TBC1D22A: variants seen among roughly 807,000 people sequenced by gnomAD.
TBC1D22A encodes the protein TBC1 domain family member 22A.
In TBC1D22A, 38 loss-of-function variants were observed where a neutral mutation model predicts 60.2. The ratio of observed to expected loss-of-function variants is 0.63; its 90% confidence interval spans 0.49 to 0.83. The LOEUF is 0.83. Among genes scored for constraint, TBC1D22A ranks in the 40% least tolerant of loss-of-function variants. The probability of loss-of-function intolerance (pLI) is 0.00; values close to 1 mark genes in which losing one functional copy is unlikely to be tolerated. For missense variants in TBC1D22A, 628 were observed against 701.0 expected (o/e 0.90, Z 1.18); for synonymous variants, 302 against 281.7 (o/e 1.07, Z -0.72).
intron 4 of TBC1D22A, among the ~76,000 whole-genome samples, chr22:46,855,445 G>T (rs1230984291): frequency 6.6e-6 from 1 of 152,192 alleles, no homozygotes; most frequent in African/African-American, 2.4e-5. Context: ...GGATGTGGGA[G>T]GTACAGACCA....
intron 11 of TBC1D22A, among the ~76,000 whole-genome samples, chr22:47,046,204 G>A (rs2063028060): frequency 6.6e-6 from 1 of 152,210 alleles, no homozygotes; most frequent in Non-Finnish European, 1.5e-5. Flanking sequence ...ACAGGATGCC[G>A]GGAGGGCCCC....
intron 10 of TBC1D22A, among the ~76,000 whole-genome samples, chr22:47,010,906 T>C (rs1042376067): frequency 1.3e-5 from 2 of 152,234 alleles, no homozygotes; most frequent in African/African-American, 2.4e-5. Context: ...ACCTGGGTTC[T>C]AGTTCAGCCT....
At position 46,797,527 on chromosome 22, in the gene TBC1D22A, C is replaced by T. The variant is rs1249565988; in HGVS notation, c.544C>T (p.Pro182Ser). The change falls in exon 4 of 13, where the codon CCC (proline) becomes TCC (serine). Residue 182 changes from proline (P) to serine (S), a missense_variant. By Grantham distance (74) the Pro-to-Ser change is moderately conservative (BLOSUM62 -1). Coordinates refer to ENST00000337137, the MANE Select transcript of TBC1D22A (RefSeq NM_014346.5). ...ATVTLGGTSD[P>S]STLSSSALSE... Reference sequence around the variant, plus strand: ...CGTCACGCTGGGTGGCACATCTGACCCCAGCACTCTCAGCAGCTCAGCGCT... The same window carrying T: ...CGTCACGCTGGGTGGCACATCTGACTCCAGCACTCTCAGCAGCTCAGCGCT... 3 of 1,614,090 alleles carry T rather than the reference C, an allele frequency of 1.9e-6. No homozygotes were observed. The highest frequency in any genetic ancestry group is 2.5e-6 in the Non-Finnish European group (3 of 1,180,038).
intron 10 of TBC1D22A, among the ~76,000 whole-genome samples, chr22:47,026,963 C>A (rs777965014): frequency 3.9e-5 from 6 of 152,156 alleles, no homozygotes; most frequent in African/African-American, 1.4e-4. Context: ...AGTTGAAGGA[C>A]TTTGTTCACT....
chr22:46,952,860 G>T (rs185146203), intron 8 of TBC1D22A, among the ~76,000 whole-genome samples: 1 of 152,286 alleles, frequency 6.6e-6, no homozygotes, highest in Non-Finnish European at 1.5e-5. Context: ...GGACCACCCC[G>T]TTGTCTCCTG....
Position 46,941,810 on chromosome 22 carries a change from GAA to G in TBC1D22A, c.1015+29623_1015+29624del, listed in dbSNP as rs2072159395. On this transcript the variant is annotated intron_variant, in intron 8 of 12. Transcript: ENST00000337137. ...ATATAGAATATATAGAATATATATA[GAA>G]TATATATAGAATATATAGAATAATA... is the stretch of plus-strand genomic sequence containing the variant. Among the ~76,000 whole-genome samples the G allele has an allele frequency of 4.5e-5, 6 of 132,290 alleles. No individual in the cohort carries two copies. In the Admixed American group the frequency reaches 4.7e-4, roughly 10 times the overall value. The allele number at this position is 132,290 out of a possible 152,430, so 86.8% of individuals were successfully genotyped here. A position where few individuals can be genotyped will look rare whatever the true frequency, so the allele number is the denominator to read the frequency against.
Position 46,962,543 on chromosome 22 carries a change from T to C in TBC1D22A, c.1016-11747T>C, listed in dbSNP as rs1448019784. On this transcript the variant is annotated intron_variant, in intron 8 of 12. Transcript: ENST00000337137. ...CTCTCTGTGTGGATCACATACCTTA[T>C]AGAGAGAAGAGGCTTACTGGGGCAT... Among the ~76,000 whole-genome samples, 5 of 152,174 alleles carry C rather than the reference T, an allele frequency of 3.3e-5. No individual in the cohort carries two copies. The South Asian group carries it at 8.3e-4, about 25-fold the overall frequency.
chr22:46,959,445 T>G (rs2148047522), intron 8 of TBC1D22A, among the ~76,000 whole-genome samples: 1 of 152,304 alleles, frequency 6.6e-6, no homozygotes, highest in East Asian at 1.9e-4. Context: ...GCGGGCAGCA[T>G]TGCCGCCTCC....
intron 11 of TBC1D22A, among the ~76,000 whole-genome samples, chr22:47,057,279 A>C (rs1469874069): frequency 6.6e-6 from 1 of 152,116 alleles, no homozygotes; most frequent in African/African-American, 2.4e-5. Flanking sequence ...AGTCAGTCCC[A>C]AGCTCCTCCT....
intron 10 of TBC1D22A, among the ~76,000 whole-genome samples, chr22:47,019,251 CCT>C (rs1370210281): frequency 2.0e-5 from 3 of 152,240 alleles, no homozygotes; most frequent in Admixed American, 2.0e-4. Context: ...CCTCCTACTC[CCT>C]CCCAGCCTGG....
At chr22:46,783,045 G>C (rs1266534109) in intron 1 of TBC1D22A, among the ~76,000 whole-genome samples, 1 of 152,210 alleles carries the variant, frequency 6.6e-6, no homozygotes, top group African/African-American at 2.4e-5. Context: ...TTCCACAGCA[G>C]CTGCCCATTT....
chr22:47,164,557 C>T (rs1193449141), intron 12 of TBC1D22A, among the ~76,000 whole-genome samples: 2 of 152,174 alleles, frequency 1.3e-5, no homozygotes, highest in African/African-American at 2.4e-5. Flanking sequence ...AGGAGACTGG[C>T]GGTCTCTCGG....
At chr22:47,020,528 G>A (rs535093253) in intron 10 of TBC1D22A, among the ~76,000 whole-genome samples, 6 of 142,934 alleles carry the variant, frequency 4.2e-5, no homozygotes. Flanking sequence ...CTGCCTGTTG[G>A]TGTGGCACTG....
intron 11 of TBC1D22A, among the ~76,000 whole-genome samples, chr22:47,052,647 C>T (rs1006600804): frequency 6.6e-6 from 1 of 152,218 alleles, no homozygotes; most frequent in African/African-American, 2.4e-5. Context: ...TCACAGCCCT[C>T]CTGCTCTGAG....
At chr22:46,964,182 G>A (rs1028695022) in intron 8 of TBC1D22A, among the ~76,000 whole-genome samples, 2 of 152,202 alleles carry the variant, frequency 1.3e-5, no homozygotes, top group African/African-American at 2.4e-5. Context: ...TGGGCCATCC[G>A]AAACACATTC....
chr22:47,004,243 G>A (rs570390628), intron 10 of TBC1D22A, among the ~76,000 whole-genome samples: 1 of 141,410 alleles, frequency 7.1e-6, no homozygotes, highest in South Asian at 2.3e-4. Flanking sequence ...ACACGCATCT[G>A]CCATATACAC....
At chr22:47,166,704 C>A (rs1478403421) in intron 12 of TBC1D22A, among the ~76,000 whole-genome samples, 2 of 152,262 alleles carry the variant, frequency 1.3e-5, no homozygotes, top group African/African-American at 4.8e-5. Flanking sequence ...TGAGTGTCCT[C>A]AGTGCCTGGA....
In TBC1D22A at chr22:47,111,593, A is replaced by T. The variant is rs1333549507; in HGVS notation, c.1415A>T (p.Lys472Ile). 1 of 1,613,522 alleles carries T rather than the reference A, an allele frequency of 6.2e-7. No individual in the cohort carries two copies. Among genetic ancestry groups the T allele is most frequent in the Admixed American group, 1.7e-5 (1 of 59,952 alleles). Reference sequence around the variant, plus strand: ...TGGAGGAAGGAAATACTAGAAGAAAAAGATTTTCAAGTAAGTAAATGTCTT... The same window carrying T: ...TGGAGGAAGGAAATACTAGAAGAAATAGATTTTCAAGTAAGTAAATGTCTT... Reference protein sequence around the residue: ...VRWRKEILEEKDFQELLLFLQ... With the variant: ...VRWRKEILEEIDFQELLLFLQ... Residue 472 changes from lysine to isoleucine, a missense_variant, in exon 12 of 13, where the codon AAA becomes ATA. Physicochemically the swap from Lys to Ile is moderately radical, Grantham distance 102. Coordinates refer to ENST00000337137, the MANE Select transcript of TBC1D22A (RefSeq NM_014346.5).
chr22:46,938,332 T>C (rs1376581132), intron 8 of TBC1D22A, among the ~76,000 whole-genome samples: 1 of 152,138 alleles, frequency 6.6e-6, no homozygotes, highest in African/African-American at 2.4e-5. Flanking sequence ...GCTGCACAGG[T>C]TTGTGGCCCA....
Sources: gnomAD v4.1 joint callset for allele counts (sites outside exome capture counted in the v4.1 genomes callset) on GRCh38, gnomAD v4.1.1 for gene constraint, MANE v1.5 for transcripts, NCBI Gene and HGNC (gene_info 2026-07-23, HGNC 2026-07-21) for gene names.